Variants in PSKH1 observed in about 807,000 individuals in gnomAD.
PSKH1 encodes the protein serine/threonine-protein kinase H1.
A neutral mutation model predicts 26.7 loss-of-function variants in PSKH1; 12 were observed. The observed-to-expected ratio is 0.45, with a 90% CI of 0.29 to 0.73. PSKH1 has a LOEUF of 0.73. PSKH1 is among the 30% of genes least tolerant of loss of function. The pLI is 0.11. For synonymous variants in PSKH1, 213 were observed against 234.3 expected (o/e 0.91, Z 0.83); for missense variants, 431 against 595.2 (o/e 0.72, Z 2.87).
At chr16:67,924,639 G>A (rs1300036499) in intron 2 of PSKH1, among the ~76,000 whole-genome samples, 1 of 152,224 alleles carries the variant, frequency 6.6e-6, no homozygotes, top group African/African-American at 2.4e-5. Context: ...AAGGGGCAGG[G>A]GCAGAATCCA....
intron 1 of PSKH1, among the ~76,000 whole-genome samples, chr16:67,898,402 C>A (rs1376646969): frequency 1.3e-5 from 2 of 151,278 alleles, no homozygotes; most frequent in African/African-American, 4.9e-5. Flanking sequence ...GAGACCCTGT[C>A]TCAAAAAAAA....
intron 1 of PSKH1, among the ~76,000 whole-genome samples, chr16:67,908,301 A>C (rs1452967958): frequency 6.6e-6 from 1 of 151,932 alleles, no homozygotes; most frequent in East Asian, 1.9e-4. Context: ...ACAGAGTCTT[A>C]CTCTGTCACC....
In PSKH1 at chr16:67,908,783, C is replaced by T. The variant is rs758072788; in HGVS notation, c.34C>T (p.Pro12Ser). 8.7e-6 allele frequency: 14 copies of T among 1,600,530 alleles called. No individual in the cohort carries two copies. Among genetic ancestry groups the T allele is most frequent in the Non-Finnish European group, 1.2e-5 (14 of 1,171,052 alleles). Residue 12 changes from proline (P) to serine (S), a missense_variant, in exon 2 of 3, where the codon CCA (proline) becomes TCA (serine). Physicochemically the swap from Pro to Ser is moderately conservative, Grantham distance 74. Coordinates refer to ENST00000291041, the MANE Select transcript of PSKH1 (RefSeq NM_006742.3). ...GCGTSKVLPEPPKDVQLDLVK... is the reference protein window; with the variant it reads ...GCGTSKVLPESPKDVQLDLVK... ...TGGGACAAGCAAGGTCCTTCCCGAGCCACCCAAGGATGTCCAGCTGGATCT... is the reference window on the plus strand; with the variant it reads ...TGGGACAAGCAAGGTCCTTCCCGAGTCACCCAAGGATGTCCAGCTGGATCT...
intron 2 of PSKH1, among the ~76,000 whole-genome samples, chr16:67,926,172 A>G (rs1333397096): frequency 6.6e-6 from 1 of 152,098 alleles, no homozygotes; most frequent in Non-Finnish European, 1.5e-5. Flanking sequence ...CTAGCTGCCT[A>G]TCCTTGGGGG....
chr16:67,894,847 C>T (rs1305508569), intron 1 of PSKH1, among the ~76,000 whole-genome samples: 1 of 151,270 alleles, frequency 6.6e-6, no homozygotes, highest in Non-Finnish European at 1.5e-5. Context: ...AGTACAGCCT[C>T]TTAATCCTGG....
intron 1 of PSKH1, among the ~76,000 whole-genome samples, chr16:67,899,104 T>A (rs552781021): frequency 1.1e-4 from 16 of 152,246 alleles, no homozygotes; most frequent in South Asian, 4.1e-4. Flanking sequence ...CCGGGACCCC[T>A]AGCTTTCCCC....
chr16:67,896,429 G>A (rs549555516), intron 1 of PSKH1, among the ~76,000 whole-genome samples: 15 of 152,080 alleles, frequency 9.9e-5, no homozygotes, highest in African/African-American at 3.4e-4. Flanking sequence ...GTCTTAATAA[G>A]CGTGTTTGTT....
chr16:67,922,918 T>C (rs2058206626), intron 2 of PSKH1, among the ~76,000 whole-genome samples: 1 of 152,220 alleles, frequency 6.6e-6, no homozygotes. Context: ...AGCTTCCTCC[T>C]CTGTCTGCAG....
chr16:67,912,854 G>A (rs980441022), intron 2 of PSKH1, among the ~76,000 whole-genome samples: 6 of 151,528 alleles, frequency 4.0e-5, no homozygotes, highest in Non-Finnish European at 7.4e-5. Context: ...GGCAACAAGA[G>A]CGAAACTCTG....
chr16:67,909,028 T>C lies in PSKH1; in HGVS notation c.279T>C (p.Arg93=). ...AGTACAGGGCCAAGTTTGACCCACGTGTTACAGCTAAGTATGACATCAAGG... is the reference window on the plus strand; with the variant it reads ...AGTACAGGGCCAAGTTTGACCCACGCGTTACAGCTAAGTATGACATCAAGG... ...VAKYRAKFDP[R]VTAKYDIKAL... The change falls in exon 2 of 3, where the codon CGT becomes CGC. Residue 93 remains arginine (R), a synonymous_variant. Coordinates refer to ENST00000291041, the MANE Select transcript of PSKH1 (RefSeq NM_006742.3). This position sits in a 1 kb window ranked among gnomAD's most constrained non-coding sequence, Gnocchi z 7.8. 6.2e-7 allele frequency: 1 copy of C among 1,614,116 alleles called. No individual in the cohort carries two copies. The highest frequency in any genetic ancestry group is 8.5e-7 in the Non-Finnish European group (1 of 1,180,022).
chr16:67,906,655 G>A (rs1023024727), intron 1 of PSKH1, among the ~76,000 whole-genome samples: 1 of 152,086 alleles, frequency 6.6e-6, no homozygotes, highest in African/African-American at 2.4e-5. Context: ...GTGAGCTACC[G>A]GGCCCAGCCT....
intron 2 of PSKH1, among the ~76,000 whole-genome samples, chr16:67,925,320 T>G (rs2058213070): frequency 6.6e-6 from 1 of 152,034 alleles, no homozygotes; most frequent in African/African-American, 2.4e-5. Flanking sequence ...CTCAGCTTCC[T>G]GAGTAGCTGG....
rs142393984 is a variant in PSKH1 at position 67,927,564 on chromosome 16, C to T, written c.1197C>T (p.Arg399=). ...AQSTRSSRST[R]SNKSRRVRER... is the part of the protein sequence containing the mutation. ...CCACGCGTTCCAGCCGCTCCACACG[C>T]TCCAATAAGTCACGCCGTGTGCGGG... is the stretch of plus-strand genomic sequence containing the variant. The change falls in exon 3 of 3, where the codon CGC becomes CGT. Residue 399 remains arginine, a synonymous_variant. Transcript: ENST00000291041. The surrounding 1 kb of genome is among the most constrained non-coding windows in gnomAD (Gnocchi z 5.5). 67 of 1,613,944 alleles carry T rather than the reference C, an allele frequency of 4.2e-5. No homozygotes were observed. In the African/African-American group the frequency reaches 7.5e-4, roughly 18 times the overall value.
At chr16:67,921,504 G>A (rs2058202363) in intron 2 of PSKH1, among the ~76,000 whole-genome samples, 1 of 151,700 alleles carries the variant, frequency 6.6e-6, no homozygotes, top group African/African-American at 2.4e-5. Context: ...GAACCTGGGA[G>A]GCGGAGTTGC....
Position 67,927,621 on chromosome 16 carries a change from C to T in PSKH1, c.1254C>T (p.Tyr418=). 3 of 1,607,546 alleles carry T rather than the reference C, an allele frequency of 1.9e-6. No individual in the cohort carries two copies. The highest frequency in any genetic ancestry group is 8.5e-7 in the Non-Finnish European group (1 of 1,179,256). ...ERELRELNLR[Y]QQQYNG is the part of the protein sequence containing the mutation. ...AGCTGCGGGAGCTCAACCTGCGCTA[C>T]CAGCAGCAATACAATGGCTGAGCCG... Residue 418 remains tyrosine, a synonymous_variant, in exon 3 of 3, where the codon TAC becomes TAT. Transcript: ENST00000291041. This position sits in a 1 kb window ranked among gnomAD's most constrained non-coding sequence, Gnocchi z 5.5.
Position 67,914,186 on chromosome 16 carries a change from G to A in PSKH1, c.957+4480G>A, listed in dbSNP as rs571039579. 2.6e-5 allele frequency among the ~76,000 whole-genome samples: 4 copies of A among 151,478 alleles called. No individual in the cohort carries two copies. The South Asian group carries it at 8.3e-4, about 31-fold the overall frequency. ...TTTTTTGAGATGGAGTTTCGCTCTT[G>A]TTGCCCAGGCTGGAGTGCAATGGGG... On this transcript the variant is annotated intron_variant, in intron 2 of 2. Transcript: ENST00000291041.
chr16:67,927,385 C>T lies in PSKH1; in HGVS notation c.1018C>T (p.Pro340Ser). 2 of 1,614,108 alleles carry T rather than the reference C, an allele frequency of 1.2e-6. No homozygotes were observed. The highest frequency in any genetic ancestry group is 1.7e-6 in the Non-Finnish European group (2 of 1,179,982). Residue 340 changes from proline to serine, a missense_variant, in exon 3 of 3, where the codon CCT becomes TCT. Pro to Ser is a moderately conservative substitution (Grantham distance 74). Coordinates refer to ENST00000291041, the MANE Select transcript of PSKH1 (RefSeq NM_006742.3). This position sits in a 1 kb window ranked among gnomAD's most constrained non-coding sequence, Gnocchi z 5.5. ...CATTGACCGCCTGCTGACAGTGGAC[C>T]CTGGAGCCCGTATGACTGCACTGCA... Reference protein sequence around the residue: ...DFIDRLLTVDPGARMTALQAL... With the variant: ...DFIDRLLTVDSGARMTALQAL...
Position 67,929,417 on chromosome 16 carries a change from T to G in PSKH1, c.*1775T>G, listed in dbSNP as rs2058230001. 6.3e-6 allele frequency: 1 copy of G among 157,984 alleles called. No homozygotes were observed. Among genetic ancestry groups the G allele is most frequent in the African/African-American group, 2.4e-5 (1 of 41,530 alleles). 9.8% of individuals were successfully genotyped at this position (157,984 alleles called of 1,614,324 possible). On this transcript the variant is annotated 3_prime_UTR_variant, in exon 3 of 3. Transcript: ENST00000291041. ...AGAACCAAGCCCCATGGCCTCAGAA[T>G]TTCCCCCCAGTTCCCCAAGTGTCTC...
At chr16:67,919,343 C>T (rs887800987) in intron 2 of PSKH1, among the ~76,000 whole-genome samples, 1 of 152,200 alleles carries the variant, frequency 6.6e-6, no homozygotes, top group South Asian at 2.1e-4. Context: ...GGCTTTCCCA[C>T]GACTGTCTCA....
Sources: gnomAD v4.1 joint callset for allele counts (sites outside exome capture counted in the v4.1 genomes callset) on GRCh38, gnomAD v4.1.1 for gene constraint, Gnocchi (gnomAD v3.1) non-coding constraint, MANE v1.5 for transcripts, NCBI Gene and HGNC (gene_info 2026-07-23, HGNC 2026-07-21) for gene names.